The following TXNDC8 variants were observed in gnomAD, a reference collection of about 807,000 sequenced individuals.
TXNDC8 encodes thioredoxin domain-containing protein 8.
Under a neutral mutation model 12.9 loss-of-function variants are expected in TXNDC8, and 15 were observed. The ratio of observed to expected loss-of-function variants is 1.16; its 90% CI spans 0.78 to 1.79. The LOEUF (loss-of-function observed/expected upper bound fraction) is 1.79. Ranked by LOEUF, TXNDC8 falls within the 40% of genes most tolerant of loss-of-function variation. TXNDC8 has a pLI of 0.00. For missense variants in TXNDC8, 128 were observed against 113.2 expected (o/e 1.13, Z -0.59); for synonymous variants, 40 against 35.4 (o/e 1.13, Z -0.46).
At position 110,304,501 on chromosome 9, in the gene TXNDC8, A is replaced by T; in HGVS notation, c.227T>A (p.Ile76Asn). ...CATGAATCCACTTCTATAACAGCAA[A>T]TTATTCTTTTGATTCTTGAGAATAG... The change falls in exon 4 of 5, where the codon ATT becomes AAT. Residue 76 changes from isoleucine to asparagine, a missense_variant. Physicochemically the swap from Ile to Asn is moderately radical, Grantham distance 149. Coordinates refer to ENST00000423740, the MANE Select transcript of TXNDC8 (RefSeq NM_001286946.2). 1.2e-6 allele frequency: 2 copies of T among 1,610,444 alleles called. No homozygotes were observed. Among genetic ancestry groups the T allele is most frequent in the South Asian group, 2.2e-5 (2 of 90,506 alleles).
At chr9:110,314,242 T>C (rs995472200) in intron 3 of TXNDC8, among the ~76,000 whole-genome samples, 12 of 152,116 alleles carry the variant, frequency 7.9e-5, no homozygotes, top group African/African-American at 2.9e-4. Flanking sequence ...CTGCCTTTCT[T>C]GACTGAACCA....
At chr9:110,313,686 G>A (rs752011562) in intron 3 of TXNDC8, among the ~76,000 whole-genome samples, 1 of 152,144 alleles carries the variant, frequency 6.6e-6, no homozygotes, top group Non-Finnish European at 1.5e-5. Context: ...GTTGATAAGA[G>A]CAAAACTCTG....
intron 2 of TXNDC8, chr9:110,329,258 C>CA (rs749148258): frequency 6.2e-7 from 1 of 1,610,996 alleles, no homozygotes; most frequent in Non-Finnish European, 8.5e-7. Flanking sequence ...TCCACATTAG[C>CA]AAAAAATACA....
chr9:110,305,708 C>T (rs895941365), intron 3 of TXNDC8, among the ~76,000 whole-genome samples: 1 of 135,432 alleles, frequency 7.4e-6, no homozygotes. Flanking sequence ...TATATCTTTC[C>T]TTCTTTTTCT....
chr9:110,326,669 G>A (rs796217279), intron 2 of TXNDC8, among the ~76,000 whole-genome samples: 5 of 152,236 alleles, frequency 3.3e-5, no homozygotes, highest in African/African-American at 9.6e-5. Flanking sequence ...AACGCATCCT[G>A]ATCTAGCATT....
At chr9:110,332,914 A>G (rs1839599351) in intron 2 of TXNDC8, among the ~76,000 whole-genome samples, 2 of 152,256 alleles carry the variant, frequency 1.3e-5, no homozygotes, top group Admixed American at 6.5e-5. Flanking sequence ...AAGGCGTATT[A>G]TTCGCCTCAT....
intron 3 of TXNDC8, among the ~76,000 whole-genome samples, chr9:110,305,791 T>C (rs1163494888): frequency 8.1e-5 from 5 of 61,426 alleles, no homozygotes; most frequent in African/African-American, 3.0e-4. Context: ...TTCTTTTCTT[T>C]CTTTTCTTTT....
downstream of TXNDC8, among the ~76,000 whole-genome samples, chr9:110,302,088 C>T (rs866630237): frequency 1.3e-5 from 2 of 152,074 alleles, no homozygotes; most frequent in South Asian, 4.1e-4. Flanking sequence ...CTTCCAGGCG[C>T]AAGTAATCCT....
Position 110,311,727 on chromosome 9 carries a change from A to G in TXNDC8, c.196-7195T>C, listed in dbSNP as rs956386044. Among the ~76,000 whole-genome samples, 20 of 140,350 alleles carry G rather than the reference A, an allele frequency of 1.4e-4. 1 individual carries two copies. Among genetic ancestry groups the G allele is most frequent in the Admixed American group, 1.1e-3 (15 of 13,266 alleles). 92.1% of individuals were successfully genotyped at this position (140,350 alleles called of 152,430 possible). A position where few individuals can be genotyped will look rare whatever the true frequency, so the allele number is the denominator to read the frequency against. On this transcript the variant is annotated intron_variant, in intron 3 of 4. Transcript: ENST00000423740. ...ATATACTATATTACTATATCCATAT[A>G]TATACTATATATACACTATATATGG... is the stretch of plus-strand genomic sequence containing the variant.
chr9:110,329,642 TG>T (rs916709424), intron 2 of TXNDC8, among the ~76,000 whole-genome samples: 2 of 152,136 alleles, frequency 1.3e-5, no homozygotes, highest in African/African-American at 4.8e-5. Flanking sequence ...GGAGAGCAGT[TG>T]GGGGAGTCTG....
At position 110,323,767 on chromosome 9, in the gene TXNDC8, T is replaced by C. The variant is rs1233552634; in HGVS notation, c.195+2408A>G. On this transcript the variant is annotated intron_variant, in intron 3 of 4. Transcript: ENST00000423740. ...TACTCTTGGCTTGACTCTGTTTTCT[T>C]CTGTGTGGTAGATTCGTTTTCAGGT... 4 of 1,387,520 alleles carry C rather than the reference T, an allele frequency of 2.9e-6. No individual in the cohort carries two copies. In the East Asian group the frequency reaches 1.0e-4, roughly 36 times the overall value. 86.0% of individuals were successfully genotyped at this position (1,387,520 alleles called of 1,614,324 possible). A position where few individuals can be genotyped will look rare whatever the true frequency, so the allele number is the denominator to read the frequency against.
chr9:110,326,820 T>C (rs1215615700), intron 2 of TXNDC8, among the ~76,000 whole-genome samples: 1 of 152,140 alleles, frequency 6.6e-6, no homozygotes, highest in African/African-American at 2.4e-5. Flanking sequence ...GGTTAGTTTT[T>C]GTTTTTCTTG....
At chr9:110,319,715 C>T (rs1016705875) in intron 3 of TXNDC8, among the ~76,000 whole-genome samples, 1 of 152,208 alleles carries the variant, frequency 6.6e-6, no homozygotes, top group African/African-American at 2.4e-5. Flanking sequence ...CCAACATCTT[C>T]CTCAAAAGTA....
downstream of TXNDC8, among the ~76,000 whole-genome samples, chr9:110,302,310 A>AT (rs980627066): frequency 6.6e-5 from 10 of 151,542 alleles, no homozygotes; most frequent in African/African-American, 1.9e-4. Flanking sequence ...TAATTTGTCT[A>AT]TTTTTTGTAG....
intron 3 of TXNDC8, among the ~76,000 whole-genome samples, chr9:110,308,131 G>A (rs1245447032): frequency 6.6e-6 from 1 of 152,222 alleles, no homozygotes; most frequent in Non-Finnish European, 1.5e-5. Context: ...ATTTGCTGAG[G>A]CCTGGGAGCA....
At position 110,303,692 on chromosome 9, in the gene TXNDC8, C is replaced by T. The variant is rs752330057; in HGVS notation, c.278G>A (p.Gly93Glu). 14 of 1,598,098 alleles carry T rather than the reference C, an allele frequency of 8.8e-6. No homozygotes were observed. In the Admixed American group the frequency reaches 2.4e-4, roughly 27 times the overall value. Reference sequence around the variant, plus strand: ...TTGAAAAGTTAAATCCTACTCATTTCCATCATCTGCAAGACACTTTAAATA... The same window carrying T: ...TTGAAAAGTTAAATCCTACTCATTTTCATCATCTGCAAGACACTTTAAATA... The change falls in exon 5 of 5, where the codon GGA (glycine) becomes GAA (glutamate). Residue 93 changes from glycine (G) to glutamate (E), a missense_variant. Gly to Glu is a moderately conservative substitution (Grantham distance 98, BLOSUM62 -2). Coordinates refer to ENST00000423740, the MANE Select transcript of TXNDC8 (RefSeq NM_001286946.2).
At chr9:110,304,375 G>T in intron 4 of TXNDC8, 92 bp downstream of exon 5, 1 of 1,161,548 alleles carries the variant, frequency 8.6e-7, no homozygotes, top group South Asian at 1.5e-5. Flanking sequence ...TGCTTCTCCA[G>T]GCAGCAGCAT....
downstream of TXNDC8, among the ~76,000 whole-genome samples, chr9:110,302,294 C>G (rs1838286748): frequency 6.6e-6 from 1 of 152,064 alleles, no homozygotes; most frequent in Non-Finnish European, 1.5e-5. Flanking sequence ...AGCCACCATG[C>G]CTGGCTAATT....
chr9:110,321,139 T>A (rs1839077398), intron 3 of TXNDC8, among the ~76,000 whole-genome samples: 1 of 152,184 alleles, frequency 6.6e-6, no homozygotes, highest in Non-Finnish European at 1.5e-5. Flanking sequence ...TGAAAATAAT[T>A]GAAATGAGCT....
Sources: allele counts gnomAD v4.1 joint callset (sites outside exome capture counted in the v4.1 genomes callset), GRCh38; gene constraint gnomAD v4.1.1; transcripts MANE v1.5; gene names NCBI Gene and HGNC (gene_info 2026-07-23, HGNC 2026-07-21).